The following ABCC2 variants were observed in gnomAD, a reference collection of about 807,000 sequenced individuals.
ABCC2 encodes ATP binding cassette subfamily C member 2, also known as ATP-binding cassette sub-family C member 2.
A neutral mutation model predicts 173.4 loss-of-function variants in ABCC2; 157 were observed. The ratio of observed to expected loss-of-function variants is 0.91; its 90% CI spans 0.80 to 1.03. ABCC2 has a LOEUF of 1.03. Ranked by LOEUF, ABCC2 falls within the 50% of genes least tolerant of loss-of-function variation. The probability of loss-of-function intolerance (pLI) is 0.00; values close to 1 mark genes in which losing one functional copy is unlikely to be tolerated. For missense variants in ABCC2, 1,822 were observed against 1,852.3 expected, an observed-to-expected ratio of 0.98 and a Z score of 0.30; for synonymous variants, 657 against 693.5, an observed-to-expected ratio of 0.95 and a Z score of 0.83.
chr10:99,808,323 C>G, intron 13 of ABCC2, 94 bp downstream of exon 13: 1 of 1,513,882 alleles, frequency 6.6e-7, no homozygotes, highest in African/African-American at 1.4e-5. Flanking sequence ...CTAACTTTTG[C>G]TGGTAAACTT....
At chr10:99,830,663 C>T (rs2133112119) in intron 20 of ABCC2, 53 bp from the exon 21 acceptor site, 12 of 1,613,288 alleles carry the variant, frequency 7.4e-6, no homozygotes, top group Non-Finnish European at 1.0e-5. Flanking sequence ...CATCTGCTTG[C>T]AAGAAGACCC....
intron 9 of ABCC2, among the ~76,000 whole-genome samples, chr10:99,801,950 C>A (rs918432485): frequency 6.6e-6 from 1 of 152,198 alleles, no homozygotes; most frequent in Admixed American, 6.5e-5. Flanking sequence ...TACCCCCCAA[C>A]TGGAATTTGC....
intron 24 of ABCC2, among the ~76,000 whole-genome samples, chr10:99,835,601 G>A (rs1342798603): frequency 6.6e-6 from 1 of 152,090 alleles, no homozygotes. Context: ...CCGAGGCACA[G>A]TTTTGGTCAC....
At chr10:99,851,112 T>C (rs2039083123) in intron 31 of ABCC2, among the ~76,000 whole-genome samples, 1 of 152,248 alleles carries the variant, frequency 6.6e-6, no homozygotes, top group Non-Finnish European at 1.5e-5. Context: ...CTAACTGTCC[T>C]GAGCCTCAGC....
intron 10 of ABCC2, among the ~76,000 whole-genome samples, chr10:99,804,521 G>A (rs982995476): frequency 6.6e-6 from 1 of 152,132 alleles, no homozygotes; most frequent in African/African-American, 2.4e-5. Context: ...GGCTACCCCA[G>A]AGATGCTGCA....
intron 7 of ABCC2, 27 bp from the exon 8 acceptor site, chr10:99,799,180 G>T (rs765412802): frequency 5.6e-6 from 9 of 1,613,268 alleles, no homozygotes; most frequent in African/African-American, 1.3e-5. Context: ...TAACTCTGTG[G>T]ACACTGTTGT....
chr10:99,805,211 G>T (rs1349842140), intron 10 of ABCC2, among the ~76,000 whole-genome samples, 171 bp from the exon 11 acceptor site: 1 of 152,216 alleles, frequency 6.6e-6, no homozygotes, highest in Non-Finnish European at 1.5e-5. Flanking sequence ...GGTGCGGCAG[G>T]AGCAGAGTGG....
chr10:99,822,797 A>G (rs943020569), intron 19 of ABCC2, among the ~76,000 whole-genome samples: 2 of 152,036 alleles, frequency 1.3e-5, no homozygotes, highest in Non-Finnish European at 2.9e-5. Flanking sequence ...TTGAGTTTTG[A>G]GTGTTCTATT....
At chr10:99,820,528 C>T (rs1020007988) in intron 19 of ABCC2, among the ~76,000 whole-genome samples, 11 of 152,128 alleles carry the variant, frequency 7.2e-5, no homozygotes, top group African/African-American at 2.2e-4. Flanking sequence ...GAGGCCAAGG[C>T]GGAAGGATCA....
chr10:99,812,937 T>G (rs753252374), intron 15 of ABCC2, 81 bp from the exon 16 acceptor site: 30 of 1,566,710 alleles, frequency 1.9e-5, no homozygotes, highest in Non-Finnish European at 2.5e-5. Context: ...CCAGACTTCA[T>G]GGAGACTCAG....
At chr10:99,793,061 G>GCA (rs10633749) in intron 3 of ABCC2, among the ~76,000 whole-genome samples, 151,370 of 152,296 alleles carry the variant, frequency 0.99, 75,233 homozygotes, top group Middle Eastern at 1. Flanking sequence ...TAGGAGCACA[G>GCA]CTAGGTCTAG....
chr10:99,829,132 A>G (rs2038694425), intron 19 of ABCC2, among the ~76,000 whole-genome samples: 1 of 152,070 alleles, frequency 6.6e-6, no homozygotes, highest in East Asian at 1.9e-4. Context: ...AATAGGCCCT[A>G]TAAATGGGGG....
In ABCC2 at chr10:99,851,920, T is replaced by C. The variant is rs929692610; in HGVS notation, c.*289T>C. On this transcript the variant is annotated 3_prime_UTR_variant, in exon 32 of 32. Coordinates refer to ENST00000647814, the MANE Select transcript of ABCC2 (RefSeq NM_000392.5). ...TTATTCCTTTGCCTTTCATTTCTGT[T>C]TTATCACCTTTGTATGTATCTTTAA... The C allele has an allele frequency of 3.2e-6, 1 of 310,426 alleles. No individual in the cohort carries two copies. Among genetic ancestry groups the C allele is most frequent in the African/African-American group, 2.2e-5 (1 of 46,074 alleles). 19.2% of individuals were successfully genotyped at this position (310,426 alleles called of 1,614,324 possible).
intron 4 of ABCC2, 21 bp from the exon 5 acceptor site, chr10:99,793,869 CCT>C: frequency 6.2e-7 from 1 of 1,600,728 alleles, no homozygotes; most frequent in Non-Finnish European, 8.6e-7. Context: ...GCTCATTTTT[CCT>C]CTTTGTTTTT....
chr10:99,831,538 G>A, intron 21 of ABCC2, 73 bp from the exon 22 acceptor site: 1 of 1,457,668 alleles, frequency 6.9e-7, no homozygotes. Flanking sequence ...TCTCCTTGTG[G>A]TTGGCATTCT....
chr10:99,808,256 C>G lies in ABCC2; in HGVS notation c.1815+27C>G, dbSNP rs8187674. On this transcript the variant is annotated intron_variant, in intron 13 of 31. Transcript: ENST00000647814. ...TAGGTCGGCATTCTCACTGCTAACT[C>G]CCTGTCTCTGGTTAAAAGCCTTGGA... The G allele has an allele frequency of 4.4e-3, 7,033 of 1,613,360 alleles. 231 individuals are homozygous for G. In the African/African-American group the frequency reaches 0.074, roughly 17 times the overall value.
chr10:99,818,338 C>T (rs2038459028), intron 17 of ABCC2, among the ~76,000 whole-genome samples: 1 of 152,182 alleles, frequency 6.6e-6, no homozygotes. Flanking sequence ...ATCCTCCCTC[C>T]CCATTACTAG....
intron 19 of ABCC2, among the ~76,000 whole-genome samples, chr10:99,825,063 C>T (rs375178939): frequency 7.1e-6 from 1 of 140,994 alleles, no homozygotes; most frequent in Non-Finnish European, 1.5e-5. Flanking sequence ...TTAGCCTCAA[C>T]TGGAACTTTA....
chr10:99,826,535 C>A (rs952468342), intron 19 of ABCC2, among the ~76,000 whole-genome samples: 3 of 151,182 alleles, frequency 2.0e-5, no homozygotes, highest in Non-Finnish European at 4.4e-5. Context: ...GGATTTTTTC[C>A]CAGGCTCTAA....
Sources: gnomAD v4.1 joint callset for allele counts (sites outside exome capture counted in the v4.1 genomes callset) on GRCh38, gnomAD v4.1.1 for gene constraint, MANE v1.5 for transcripts, NCBI Gene and HGNC (gene_info 2026-07-23, HGNC 2026-07-21) for gene names.